CNTN4: variants seen among roughly 807,000 people sequenced by gnomAD.
CNTN4 encodes the protein contactin 4.
A neutral mutation model predicts 122.5 loss-of-function variants in CNTN4; 77 were observed. The observed-to-expected ratio is 0.63, with a 90% CI of 0.52 to 0.76. CNTN4 has a LOEUF of 0.76. Ranked by LOEUF, CNTN4 falls within the 30% of genes least tolerant of loss-of-function variation. CNTN4 has a pLI of 0.00. For synonymous variants in CNTN4, 512 were observed against 447.0 expected (o/e 1.15, Z -1.83); for missense variants, 1,256 against 1,259.1 (o/e 1.00, Z 0.04).
chr3:2,154,000 A>G (rs958541970), intron 2 of CNTN4, among the ~76,000 whole-genome samples: 1 of 152,190 alleles, frequency 6.6e-6, no homozygotes, highest in Middle Eastern at 3.2e-3. Context: ...TCTTATATAA[A>G]TCATACTGGT....
intron 4 of CNTN4, among the ~76,000 whole-genome samples, chr3:2,607,411 G>C (rs1385075128): frequency 6.6e-6 from 1 of 152,036 alleles, no homozygotes; most frequent in African/African-American, 2.4e-5. Flanking sequence ...AAAAGGGAAT[G>C]AATAAATAAT....
intron 2 of CNTN4, among the ~76,000 whole-genome samples, chr3:2,181,876 G>A (rs1169938300): frequency 6.6e-6 from 1 of 152,110 alleles, no homozygotes; most frequent in Non-Finnish European, 1.5e-5. Flanking sequence ...CATATGTAAA[G>A]TATAACACTA....
chr3:2,884,482 A>G (rs1403049252), intron 9 of CNTN4, among the ~76,000 whole-genome samples: 2 of 152,218 alleles, frequency 1.3e-5, no homozygotes, highest in Non-Finnish European at 2.9e-5. Context: ...AAATAAATTA[A>G]GACATAATTA....
intron 6 of CNTN4, among the ~76,000 whole-genome samples, chr3:2,800,974 T>G (rs79453503): frequency 6.6e-6 from 1 of 152,336 alleles, no homozygotes; most frequent in Non-Finnish European, 1.5e-5. Flanking sequence ...CCTTCCTTCC[T>G]ACTCCCAGCT....
intron 2 of CNTN4, among the ~76,000 whole-genome samples, chr3:2,114,968 C>T (rs916115406): frequency 6.6e-6 from 1 of 152,190 alleles, no homozygotes; most frequent in African/African-American, 2.4e-5. Context: ...TTGTCATGGA[C>T]ATTTATTGTT....
intron 7 of CNTN4, among the ~76,000 whole-genome samples, chr3:2,823,559 C>T (rs2092922877): frequency 6.6e-6 from 1 of 152,138 alleles, no homozygotes; most frequent in South Asian, 2.1e-4. Flanking sequence ...ATAGAAATCA[C>T]TTTGATGGAC....
chr3:2,549,898 G>A (rs1184439454), intron 3 of CNTN4, among the ~76,000 whole-genome samples: 1 of 152,024 alleles, frequency 6.6e-6, no homozygotes, highest in Admixed American at 6.5e-5. Context: ...GTCTACTCAG[G>A]GATTCAACTT....
intron 6 of CNTN4, among the ~76,000 whole-genome samples, chr3:2,757,897 A>G (rs773247678): frequency 8.5e-5 from 13 of 152,250 alleles, no homozygotes; most frequent in Non-Finnish European, 1.3e-4. Flanking sequence ...AAGGTAATTT[A>G]TCCCTGAAAT....
At chr3:2,900,645 A>G (rs1269668017) in intron 10 of CNTN4, 40 bp from the exon 11 acceptor site, 2 of 1,606,790 alleles carry the variant, frequency 1.2e-6, no homozygotes, top group Admixed American at 1.7e-5. Context: ...TTGAGTACAC[A>G]CTGAATATAC....
intron 3 of CNTN4, among the ~76,000 whole-genome samples, chr3:2,351,155 G>C (rs1185011558): frequency 6.6e-6 from 1 of 152,166 alleles, no homozygotes; most frequent in East Asian, 1.9e-4. Flanking sequence ...AGAAGTCATA[G>C]TTATAGTTCT....
At chr3:2,972,585 GGTTATCAGT>G (rs1256516643) in intron 13 of CNTN4, among the ~76,000 whole-genome samples, 1 of 152,114 alleles carries the variant, frequency 6.6e-6, no homozygotes, top group South Asian at 2.1e-4. Context: ...TGTTGCTCGA[GGTTATCAGT>G]GTTTTCAGAA....
rs370022393 is a variant in CNTN4 at position 2,729,446 on chromosome 3, A to G, written c.56-6769A>G. ...TGTATTTCCAGCTACTCGGGAGGCT[A>G]AGCAGGAGAATCGCTCAAACCTGGG... On this transcript the variant is annotated intron_variant, in intron 4 of 24. Transcript: ENST00000418658. Among the ~76,000 whole-genome samples the G allele has an allele frequency of 4.1e-4, 62 of 150,582 alleles. 1 individual carries two copies. The highest frequency in any genetic ancestry group is 3.4e-3 in the Middle Eastern group (1 of 292).
chr3:2,882,249 T>C (rs1188554860), intron 8 of CNTN4, among the ~76,000 whole-genome samples: 3 of 151,710 alleles, frequency 2.0e-5, no homozygotes, highest in Non-Finnish European at 4.4e-5. Context: ...ACTGTAGTCC[T>C]AGCAACTCGG....
intron 3 of CNTN4, among the ~76,000 whole-genome samples, chr3:2,354,766 C>T (rs951227508): frequency 3.3e-5 from 5 of 152,022 alleles, no homozygotes; most frequent in African/African-American, 1.2e-4. Flanking sequence ...ATTGCTTACA[C>T]GGGTTTCTGT....
At chr3:2,250,388 A>T (rs2149676826) in intron 2 of CNTN4, among the ~76,000 whole-genome samples, 1 of 152,034 alleles carries the variant, frequency 6.6e-6, no homozygotes, top group South Asian at 2.1e-4. Flanking sequence ...AATTAGATTA[A>T]AATTTCAGCT....
chr3:2,174,658 C>G (rs529795560), intron 2 of CNTN4, among the ~76,000 whole-genome samples: 9 of 152,248 alleles, frequency 5.9e-5, no homozygotes, highest in East Asian at 3.9e-4. Context: ...TGAACATTCT[C>G]AAGTTCATTT....
At chr3:3,021,367 C>G (rs190676425) in intron 14 of CNTN4, among the ~76,000 whole-genome samples, 37 of 152,324 alleles carry the variant, frequency 2.4e-4, no homozygotes, top group Admixed American at 3.9e-4. Context: ...TTAATCAACA[C>G]TCTTTGCTGT....
intron 4 of CNTN4, among the ~76,000 whole-genome samples, chr3:2,612,210 A>G (rs1031720885): frequency 1.3e-5 from 2 of 152,160 alleles, no homozygotes; most frequent in Non-Finnish European, 2.9e-5. Flanking sequence ...TTAAAAATAT[A>G]GTAAGTCAAA....
At position 2,349,243 on chromosome 3, in the gene CNTN4, T is replaced by G. The variant is rs2044516459; in HGVS notation, c.-89+10010T>G. On this transcript the variant is annotated intron_variant, in intron 3 of 24. Coordinates refer to ENST00000418658, the MANE Select transcript of CNTN4 (RefSeq NM_175607.3). ...TATTAACAAAGTGCTTGTTGACGTA[T>G]TTTTTTTTTCACATGACCTTCTGAA... Among the ~76,000 whole-genome samples the G allele has an allele frequency of 2.6e-5, 3 of 114,052 alleles. No individual in the cohort carries two copies. The South Asian group carries it at 7.9e-4, about 30-fold the overall frequency. 74.8% of individuals were successfully genotyped at this position (114,052 alleles called of 152,430 possible).
Sources: gnomAD v4.1 joint callset for allele counts (sites outside exome capture counted in the v4.1 genomes callset) on GRCh38, gnomAD v4.1.1 for gene constraint, MANE v1.5 for transcripts, NCBI Gene and HGNC (gene_info 2026-07-23, HGNC 2026-07-21) for gene names.